Variants in MIA3 observed in about 807,000 individuals in gnomAD.
The protein encoded by MIA3 is MIA SH3 domain ER export factor 3, also known as transport and Golgi organization protein 1 homolog.
A neutral mutation model predicts 192.4 loss-of-function variants in MIA3; 90 were observed. The observed-to-expected ratio is 0.47, with a 90% CI of 0.39 to 0.56. The LOEUF (loss-of-function observed/expected upper bound fraction) is 0.56. Ranked by LOEUF, MIA3 falls within the 20% of genes least tolerant of loss-of-function variation. The pLI, the probability that MIA3 is intolerant of heterozygous loss-of-function variation, is 0.00. For synonymous variants in MIA3, 740 were observed against 792.8 expected (o/e 0.93, Z 1.12); for missense variants, 2,123 against 2,269.4 (o/e 0.94, Z 1.31).
chr1:222,655,058 CTT>C (rs368479633), intron 18 of MIA3, among the ~76,000 whole-genome samples: 2 of 152,226 alleles, frequency 1.3e-5, no homozygotes, highest in East Asian at 1.9e-4. Context: ...GAGTGCTTCT[CTT>C]TTGAAGATCT....
chr1:222,650,763 G>A (rs1663388341), intron 10 of MIA3, 30 bp from the exon 11 acceptor site: 12 of 1,571,162 alleles, frequency 7.6e-6, no homozygotes, highest in Middle Eastern at 1.7e-4. Flanking sequence ...AAAGTAATGA[G>A]TATAACTAAC....
At chr1:222,625,881 C>T (rs1014035778) in intron 3 of MIA3, among the ~76,000 whole-genome samples, 3 of 152,110 alleles carry the variant, frequency 2.0e-5, no homozygotes, top group Non-Finnish European at 4.4e-5. Context: ...GGATTACAGG[C>T]GCCTGCCACC....
chr1:222,618,884 G>A (rs1661732920), intron 1 of MIA3, among the ~76,000 whole-genome samples: 1 of 152,200 alleles, frequency 6.6e-6, no homozygotes, highest in African/African-American at 2.4e-5. Context: ...CGAGTCTGGA[G>A]TCCAAGCACT....
intron 6 of MIA3, chr1:222,641,683 A>G (rs938354177): frequency 1.8e-6 from 1 of 546,592 alleles, no homozygotes; most frequent in African/African-American, 1.9e-5. Flanking sequence ...TGGGAGGAGT[A>G]ATTCTCTTCC....
chr1:222,649,021 C>G (rs1558189102), intron 8 of MIA3, among the ~76,000 whole-genome samples, 171 bp downstream of exon 8: 1 of 152,070 alleles, frequency 6.6e-6, no homozygotes, highest in Non-Finnish European at 1.5e-5. Flanking sequence ...AATGGTGATG[C>G]TACCAACTGA....
rs746529434 is a variant in MIA3 at position 222,636,152 on chromosome 1, C to A, written c.3477+2903C>A. 1.4e-4 allele frequency among the ~76,000 whole-genome samples: 21 copies of A among 152,286 alleles called. No individual in the cohort carries two copies. The Middle Eastern group carries it at 0.01, about 74-fold the overall frequency. On this transcript the variant is annotated intron_variant, in intron 6 of 27. Coordinates refer to ENST00000344922, the MANE Select transcript of MIA3 (RefSeq NM_198551.4). ...TTAATGAAACTTCCATTTGACCACA[C>A]CTTCCCTAACACTTGGTATTATCAG...
Position 222,664,022 on chromosome 1 carries a change from C to T in MIA3, c.5287C>T (p.Pro1763Ser). The T allele has an allele frequency of 1.9e-6, 3 of 1,613,982 alleles. No homozygotes were observed. The highest frequency in any genetic ancestry group is 2.5e-6 in the Non-Finnish European group (3 of 1,179,936). Reference sequence around the variant, plus strand: ...GGTTAATATGGCTCCAAAAGGGCCCCCTCCTTTCCCAGGAGTCCCTCTCAT... The same window carrying T: ...GGTTAATATGGCTCCAAAAGGGCCCTCTCCTTTCCCAGGAGTCCCTCTCAT... ...GKVNMAPKGP[P>S]PFPGVPLMST... Residue 1763 changes from proline (P) to serine (S), a missense_variant, in exon 27 of 28, where the codon CCT (proline) becomes TCT (serine). Transcript: ENST00000344922.
chr1:222,622,764 T>C (rs1661932156), intron 2 of MIA3, among the ~76,000 whole-genome samples: 1 of 152,248 alleles, frequency 6.6e-6, no homozygotes, highest in African/African-American at 2.4e-5. Context: ...CTTTGAGCAT[T>C]TGGATGAATG....
chr1:222,665,197 CAAAAA>C (rs879011032), intron 27 of MIA3, 107 bp from the exon 28 acceptor site: 9,196 of 376,148 alleles, frequency 0.024, no homozygotes, highest in South Asian at 0.027. Flanking sequence ...ACCCTGCCGC[CAAAAA>C]AAAAAAAAAA....
rs1662253411 is a variant in MIA3 at position 222,628,898 on chromosome 1, C to G, written c.1678C>G (p.Gln560Glu). Residue 560 changes from glutamine (Q) to glutamate (E), a missense_variant, in exon 4 of 28, where the codon CAG becomes GAG. Gln to Glu is a conservative substitution (Grantham distance 29). Transcript: ENST00000344922. ...AGGTGGCTCAGAGAGTGAATCTGCA[C>G]AGAAAGCTGCAGGGAATCAAATGAA... ...LEGGSESESA[Q>E]KAAGNQMNDR... The G allele has an allele frequency of 6.2e-7, 1 of 1,614,014 alleles. No individual in the cohort carries two copies. Among genetic ancestry groups the G allele is most frequent in the African/African-American group, 1.3e-5 (1 of 74,914 alleles).
chr1:222,629,359 A>G lies in MIA3; in HGVS notation c.2139A>G (p.Gly713=), dbSNP rs1459597047. The G allele has an allele frequency of 2.5e-6, 4 of 1,614,084 alleles. No homozygotes were observed. The African/African-American group carries it at 5.3e-5, about 22-fold the overall frequency. The change falls in exon 4 of 28, where the codon GGA becomes GGG. Residue 713 remains glycine, a synonymous_variant. Transcript: ENST00000344922. The part of the protein sequence containing the change: ...GQTDQTDSTG[G]PAFLSKVEED... ...CAGACCAAACTGACAGCACAGGAGG[A>G]CCAGCTTTCCTTTCTAAAGTAGAAG...
chr1:222,648,847 C>A lies in MIA3; in HGVS notation c.3628C>A (p.Gln1210Lys). Reference sequence around the variant, plus strand: ...TTTCTAGGTGAAGGATAGAGTATATCAAGGTAAATCTTTAGGCTTTTTTGT... The same window carrying A: ...TTTCTAGGTGAAGGATAGAGTATATAAAGGTAAATCTTTAGGCTTTTTTGT... Reference protein sequence around the residue: ...TVLVVKDRVYQVTEQQISEKL... With the variant: ...TVLVVKDRVYKVTEQQISEKL... Residue 1210 changes from glutamine to lysine, a missense_variant, in exon 8 of 28, where the codon CAA becomes AAA. Coordinates refer to ENST00000344922, the MANE Select transcript of MIA3 (RefSeq NM_198551.4). 1 of 1,446,362 alleles carries A rather than the reference C, an allele frequency of 6.9e-7. No individual in the cohort carries two copies. Among genetic ancestry groups the A allele is most frequent in the Non-Finnish European group, 9.6e-7 (1 of 1,036,820 alleles). 89.6% of individuals were successfully genotyped at this position (1,446,362 alleles called of 1,614,324 possible).
At position 222,628,324 on chromosome 1, in the gene MIA3, G is replaced by A. The variant is rs758433690; in HGVS notation, c.1104G>A (p.Val368=). ...AAGAGGACAAGGTTCAGCTAACTGT[G>A]CCCCCTGGCATCAAAAATGATGATA... is the stretch of plus-strand genomic sequence containing the variant. ...SNEEDKVQLT[V]PPGIKNDDKN... Residue 368 remains valine (V), a synonymous_variant, in exon 4 of 28, where the codon GTG becomes GTA. Transcript: ENST00000344922. 1 of 1,613,662 alleles carries A rather than the reference G, an allele frequency of 6.2e-7. No homozygotes were observed. Among genetic ancestry groups the A allele is most frequent in the East Asian group, 2.2e-5 (1 of 44,880 alleles).
chr1:222,649,173 A>C (rs946874534), intron 8 of MIA3: 1 of 185,386 alleles, frequency 5.4e-6, no homozygotes, highest in Non-Finnish European at 1.1e-5. Flanking sequence ...AGTACATTAA[A>C]TATTTATTTA....
rs1316975429 is a variant in MIA3, at chr1:222,665,478, AC to A, written c.5588del (p.Pro1863GlnfsTer14). On this transcript the variant is annotated frameshift_variant, in exon 28 of 28. Transcript: ENST00000344922. LOFTEE classifies it low-confidence loss of function (END_TRUNC). ...ACTTTATTCCTGGTACCCGATTACC[AC>A]CCCCAACCCATGGTCCCCAGGAATA... ...EYFIPGTRLP[P>X]PTHGPQEYPP... is the part of the protein sequence containing the mutation. 9 of 1,613,110 alleles carry A rather than the reference AC, an allele frequency of 5.6e-6. No homozygotes were observed. In the African/African-American group the frequency reaches 9.4e-5, roughly 17 times the overall value.
chr1:222,659,990 A>G lies in MIA3; in HGVS notation c.4959A>G (p.Gln1653=). ...CAATGCCAGGAAAACCAAATACACA[A>G]AACCCTCCACGGAGAGGTAAGGGAG... ...VKPMPGKPNT[Q]NPPRRGPLSQ... is the part of the protein sequence containing the mutation. Residue 1653 remains glutamine (Q), a synonymous_variant, in exon 23 of 28, where the codon CAA becomes CAG. Transcript: ENST00000344922. The G allele has an allele frequency of 6.2e-7, 1 of 1,613,404 alleles. No individual in the cohort carries two copies. The highest frequency in any genetic ancestry group is 8.5e-7 in the Non-Finnish European group (1 of 1,179,504).
chr1:222,627,470 A>C (rs1456762701), intron 3 of MIA3, 105 bp from the exon 4 acceptor site: 3 of 1,029,828 alleles, frequency 2.9e-6, no homozygotes, highest in African/African-American at 1.6e-5. Flanking sequence ...AAGCTCCTCT[A>C]GAGCCAAACG....
At chr1:222,645,445 G>C (rs1663094230) in intron 6 of MIA3, 109 bp from the exon 7 acceptor site, 2 of 918,726 alleles carry the variant, frequency 2.2e-6, no homozygotes. Context: ...GAGGGGATAG[G>C]TATCTGATAG....
chr1:222,665,163 A>T (rs879052836), intron 27 of MIA3, 146 bp from the exon 28 acceptor site: 2 of 626,806 alleles, frequency 3.2e-6, no homozygotes, highest in Non-Finnish European at 5.4e-6. Context: ...CACTCATTAC[A>T]CTCCAGCCCA....
Sources: gnomAD v4.1 joint callset for allele counts (sites outside exome capture counted in the v4.1 genomes callset) on GRCh38, gnomAD v4.1.1 for gene constraint, MANE v1.5 for transcripts, NCBI Gene and HGNC (gene_info 2026-07-23, HGNC 2026-07-21) for gene names.